The following EFHC2 variants were observed in gnomAD, a reference collection of about 807,000 sequenced individuals.
The protein encoded by EFHC2 is EF-hand domain-containing family member C2.
In EFHC2, 18 loss-of-function variants were observed where a neutral mutation model predicts 52.7. The observed-to-expected ratio is 0.34, with a 90% CI of 0.24 to 0.51. The LOEUF (loss-of-function observed/expected upper bound fraction) is 0.51, where lower values mean the gene tolerates loss of function less well. Among genes scored for constraint, EFHC2 ranks in the 20% least tolerant of loss-of-function variants. EFHC2 has a pLI of 0.97. For missense variants in EFHC2, 513 were observed against 562.5 expected, an observed-to-expected ratio of 0.91 and a Z score of 0.89; for synonymous variants, 203 against 204.1, an observed-to-expected ratio of 0.99 and a Z score of 0.04.
At chrX:44,156,741 A>G (rs2036609051) in intron 14 of EFHC2, among the ~76,000 whole-genome samples, 1 of 112,553 alleles carries the variant, frequency 8.9e-6, no homozygotes, top group African/African-American at 3.2e-5. Context: ...TAAAGTTTAT[A>G]TGAGAACCGA....
At chrX:44,238,483 A>G (rs1363426038) in intron 8 of EFHC2, among the ~76,000 whole-genome samples, 1 of 111,480 alleles carries the variant, frequency 9.0e-6, no homozygotes, top group Non-Finnish European at 1.9e-5. Flanking sequence ...AAATTTTCTA[A>G]TGGCCCCCTT....
intron 1 of EFHC2, among the ~76,000 whole-genome samples, chrX:44,335,589 ATGT>A (rs1184024068): frequency 2.7e-5 from 3 of 111,770 alleles, no homozygotes; most frequent in Non-Finnish European, 3.8e-5. Flanking sequence ...ATTGTTAATA[ATGT>A]TATTATTAAT....
intron 1 of EFHC2, among the ~76,000 whole-genome samples, chrX:44,319,581 T>G (rs1019867753): frequency 1.8e-5 from 2 of 112,500 alleles, no homozygotes; most frequent in African/African-American, 3.2e-5. Flanking sequence ...CCCAAATACT[T>G]GCCTATAAAA....
chrX:44,194,440 G>A (rs2036946245), intron 11 of EFHC2, among the ~76,000 whole-genome samples: 1 of 111,695 alleles, frequency 9.0e-6, no homozygotes, highest in Non-Finnish European at 1.9e-5. Context: ...ATAATGTAAT[G>A]AGAACTTGTT....
intron 13 of EFHC2, among the ~76,000 whole-genome samples, chrX:44,167,721 A>G (rs1464392409): frequency 1.8e-5 from 2 of 111,904 alleles, no homozygotes; most frequent in African/African-American, 6.5e-5. Context: ...TTTCCTTTTC[A>G]GTTCTGTCTT....
chrX:44,170,346 T>C (rs1438066762), intron 13 of EFHC2, among the ~76,000 whole-genome samples: 1 of 111,174 alleles, frequency 9.0e-6, no homozygotes, highest in African/African-American at 3.3e-5. Flanking sequence ...ACATGCACTC[T>C]ATACACCATG....
intron 1 of EFHC2, among the ~76,000 whole-genome samples, chrX:44,313,095 CAAAAAA>C (rs1276344069): frequency 2.0e-5 from 1 of 50,037 alleles, no homozygotes; most frequent in African/African-American, 6.0e-5. Context: ...ATGCAAACAG[CAAAAAA>C]AAAAAAAAAA....
chrX:44,223,195 C>A (rs1005635280), intron 11 of EFHC2, among the ~76,000 whole-genome samples: 1 of 112,418 alleles, frequency 8.9e-6, no homozygotes, highest in African/African-American at 3.2e-5. Context: ...TAAGACTGTG[C>A]CTCAGAAGGG....
Position 44,302,361 on chromosome X carries a change from T to C in EFHC2, c.231+10207A>G, listed in dbSNP as rs143311467. On this transcript the variant is annotated intron_variant, in intron 2 of 14. Coordinates refer to ENST00000420999, the MANE Select transcript of EFHC2 (RefSeq NM_025184.4). ...GTTGTCAAATAGCTAAATTCTAGGT[T>C]TTAGAAAAGAGGGAAGGAAGAACTC... Among the ~76,000 whole-genome samples the C allele has an allele frequency of 2.3e-3, 259 of 112,187 alleles. 2 individuals are homozygous for C. The highest frequency in any genetic ancestry group is 3.9e-3 in the Non-Finnish European group (210 of 53,218).
rs773491472 is a variant in EFHC2 at position 44,342,744 on chromosome X, C to T, written c.42+803G>A. On this transcript the variant is annotated intron_variant, in intron 1 of 14. Coordinates refer to ENST00000420999, the MANE Select transcript of EFHC2 (RefSeq NM_025184.4). Reference sequence around the variant, plus strand: ...ATACAAAAATTAGCCGGTGTGGTGGCGGGCGCCTGTAATCCCAGCTACTCG... The same window carrying T: ...ATACAAAAATTAGCCGGTGTGGTGGTGGGCGCCTGTAATCCCAGCTACTCG... 1.4e-3 allele frequency among the ~76,000 whole-genome samples: 153 copies of T among 108,719 alleles called. 1 individual carries two copies. Among genetic ancestry groups the T allele is most frequent in the Admixed American group, 3.6e-3 (37 of 10,184 alleles). The allele number at this position is 108,719 out of a possible 115,157, so 94.4% of individuals were successfully genotyped here.
At chrX:44,225,093 G>A (rs1307696258) in intron 11 of EFHC2, among the ~76,000 whole-genome samples, 1 of 110,766 alleles carries the variant, frequency 9.0e-6, no homozygotes, top group Admixed American at 9.6e-5. Flanking sequence ...CTCTAAGAAA[G>A]GTTATCTGCA....
At chrX:44,149,302 C>T (rs982477537) in intron 14 of EFHC2, among the ~76,000 whole-genome samples, 3 of 111,625 alleles carry the variant, frequency 2.7e-5, no homozygotes, top group African/African-American at 9.8e-5. Context: ...TGCTGCTGTT[C>T]TTAGAATGAC....
chrX:44,200,110 G>A (rs2036995575), intron 11 of EFHC2, among the ~76,000 whole-genome samples: 1 of 111,811 alleles, frequency 8.9e-6, no homozygotes, highest in African/African-American at 3.2e-5. Context: ...TTACACTGTG[G>A]TAAGATGTTA....
At chrX:44,221,111 G>A (rs2037190416) in intron 11 of EFHC2, among the ~76,000 whole-genome samples, 1 of 111,884 alleles carries the variant, frequency 8.9e-6, no homozygotes, top group South Asian at 3.7e-4. Context: ...TATTTCTTCT[G>A]TGAACTATTC....
chrX:44,313,095 C>CAAAAAAAAAAAAAAAAATAAAAAAAGA (rs1276344069), intron 1 of EFHC2, among the ~76,000 whole-genome samples: 1 of 50,065 alleles, frequency 2.0e-5, no homozygotes, highest in Non-Finnish European at 4.3e-5. Flanking sequence ...ATGCAAACAG[C>CAAAAAAAAAAAAAAAAATAAAAAAAGA]AAAAAAAAAA....
intron 3 of EFHC2, among the ~76,000 whole-genome samples, chrX:44,263,629 A>G (rs939996922): frequency 2.7e-5 from 3 of 112,451 alleles, no homozygotes; most frequent in Non-Finnish European, 5.6e-5. Context: ...CACTGAAAAC[A>G]GTATGCAAAT....
intron 1 of EFHC2, among the ~76,000 whole-genome samples, chrX:44,315,552 C>T (rs2037977875): frequency 9.0e-6 from 1 of 111,171 alleles, no homozygotes; most frequent in Admixed American, 9.6e-5. Context: ...CTGGCCCACC[C>T]AAGCTTACAC....
chrX:44,156,521 A>C (rs1455482012), intron 14 of EFHC2, among the ~76,000 whole-genome samples: 1 of 111,726 alleles, frequency 9.0e-6, no homozygotes, highest in Admixed American at 9.5e-5. Flanking sequence ...GAGAGTCTCA[A>C]CAAGGCGGGT....
intron 2 of EFHC2, among the ~76,000 whole-genome samples, chrX:44,287,410 A>T (rs1331673844): frequency 9.0e-6 from 1 of 111,730 alleles, no homozygotes; most frequent in Non-Finnish European, 1.9e-5. Context: ...TGCAGGAGAG[A>T]ACCTTGTTGC....
Sources: gnomAD v4.1 joint callset for allele counts (sites outside exome capture counted in the v4.1 genomes callset) on GRCh38, gnomAD v4.1.1 for gene constraint, MANE v1.5 for transcripts, NCBI Gene and HGNC (gene_info 2026-07-23, HGNC 2026-07-21) for gene names.